The following CRB1 variants were observed in gnomAD, a reference collection of about 807,000 sequenced individuals.
CRB1 encodes crumbs cell polarity complex component 1.
In CRB1, 83 loss-of-function variants were observed where a neutral mutation model predicts 120.0. The ratio of observed to expected loss-of-function variants is 0.69; its 90% confidence interval spans 0.58 to 0.83. The LOEUF (loss-of-function observed/expected upper bound fraction) is 0.83, where lower values mean the gene tolerates loss of function less well. Ranked by LOEUF, CRB1 falls within the 40% of genes least tolerant of loss-of-function variation. The probability of loss-of-function intolerance (pLI) is 0.00; values close to 1 mark genes in which losing one functional copy is unlikely to be tolerated. For missense variants in CRB1, 1,699 were observed against 1,687.6 expected (o/e 1.01, Z -0.12); for synonymous variants, 625 against 612.5 (o/e 1.02, Z -0.30).
At chr1:197,301,449 A>G (rs1656858064) in intron 1 of CRB1, among the ~76,000 whole-genome samples, 1 of 152,138 alleles carries the variant, frequency 6.6e-6, no homozygotes, top group South Asian at 2.1e-4. Flanking sequence ...TACAGGTGTG[A>G]GTTACCACAC....
chr1:197,294,034 A>C (rs950274824), intron 1 of CRB1, among the ~76,000 whole-genome samples: 9 of 152,212 alleles, frequency 5.9e-5, no homozygotes, highest in African/African-American at 1.9e-4. Flanking sequence ...CACCAAAAGC[A>C]ATGGCAACAA....
At chr1:197,270,355 G>C (rs1038101768) in intron 1 of CRB1, among the ~76,000 whole-genome samples, 6 of 152,136 alleles carry the variant, frequency 3.9e-5, no homozygotes, top group African/African-American at 1.2e-4. Context: ...CTCAAACTTT[G>C]AGGCACCTCA....
chr1:197,434,702 T>G lies in CRB1; in HGVS notation c.2843-4T>G, dbSNP rs755851135. On this transcript the variant is annotated splice_polypyrimidine_tract_variant and splice_region_variant and intron_variant, in intron 8 of 11. Transcript: ENST00000367400. ...TATTGATTATTATCACCTTCTCTCA[T>G]TAGGTATTGCAAATGCTGTTTTTAA... 1 of 1,609,706 alleles carries G rather than the reference T, an allele frequency of 6.2e-7. No individual in the cohort carries two copies. Among genetic ancestry groups the G allele is most frequent in the East Asian group, 2.2e-5 (1 of 44,848 alleles).
intron 4 of CRB1, among the ~76,000 whole-genome samples, chr1:197,352,824 G>T (rs1660184133): frequency 6.6e-6 from 1 of 151,742 alleles, no homozygotes; most frequent in African/African-American, 2.4e-5. Flanking sequence ...TTTAACATAT[G>T]ATCTCATTTA....
chr1:197,223,801 G>A, the CRB1 span, among the ~76,000 whole-genome samples: 1 of 152,160 alleles, frequency 6.6e-6, no homozygotes, highest in African/African-American at 2.4e-5. Context: ...CTGATTGACA[G>A]AGGATGGCTG....
At chr1:197,219,191 A>G in the CRB1 span, among the ~76,000 whole-genome samples, 14 of 152,364 alleles carry the variant, frequency 9.2e-5, no homozygotes, top group Admixed American at 8.5e-4. Flanking sequence ...ACCTTGGATA[A>G]TGTTTTTAAA....
chr1:197,398,892 T>TTGTGTATG (rs1662913351), intron 5 of CRB1, among the ~76,000 whole-genome samples: 1 of 136,310 alleles, frequency 7.3e-6, no homozygotes, highest in Non-Finnish European at 1.6e-5. Flanking sequence ...CAGGAAATGA[T>TTGTGTATG]TGTGTGTGTG....
At chr1:197,322,068 A>G (rs542768266) in intron 1 of CRB1, among the ~76,000 whole-genome samples, 3 of 152,366 alleles carry the variant, frequency 2.0e-5, no homozygotes, top group East Asian at 1.9e-4. Context: ...CACAGTAGCC[A>G]TTAATCACAT....
At chr1:197,388,092 T>G (rs1310562778) in intron 5 of CRB1, among the ~76,000 whole-genome samples, 1 of 152,020 alleles carries the variant, frequency 6.6e-6, no homozygotes, top group Non-Finnish European at 1.5e-5. Flanking sequence ...TTCCTCCTTA[T>G]GGATTTGCTT....
rs1658700110 is a variant in CRB1, at chr1:197,329,002, T to G, written c.651T>G (p.Ser217=). Residue 217 remains serine, a splice_region_variant and synonymous_variant, in exon 2 of 12, where the codon TCT becomes TCG. Transcript: ENST00000367400. ...RYTCICPHNY[S]GVNCELEIDE... is the part of the protein sequence containing the mutation. ...CTTGTATCTGTCCCCACAATTATTC[T>G]GGTAAGTGTGATCATATCTGAATCA... The G allele has an allele frequency of 6.2e-7, 1 of 1,607,454 alleles. No homozygotes were observed.
intron 1 of CRB1, among the ~76,000 whole-genome samples, chr1:197,270,941 C>T (rs1466351522): frequency 1.3e-5 from 2 of 152,164 alleles, no homozygotes; most frequent in African/African-American, 4.8e-5. Flanking sequence ...TGGCTCAAGC[C>T]TGTAGTCCCA....
At chr1:197,449,923 T>C (rs1665880122) in intron 11 of CRB1, among the ~76,000 whole-genome samples, 2 of 152,186 alleles carry the variant, frequency 1.3e-5, no homozygotes, top group Admixed American at 6.5e-5. Context: ...ACTTTCTAGC[T>C]GCTGTGGTGA....
intron 1 of CRB1, among the ~76,000 whole-genome samples, chr1:197,296,149 C>T (rs1011154962): frequency 4.6e-5 from 7 of 152,074 alleles, no homozygotes; most frequent in Middle Eastern, 3.4e-3. Flanking sequence ...AAAATGGAGA[C>T]ACAAATAATG....
At chr1:197,214,299 A>G in the CRB1 span, among the ~76,000 whole-genome samples, 6 of 152,152 alleles carry the variant, frequency 3.9e-5, no homozygotes, top group African/African-American at 1.4e-4. Context: ...GTCTACTTAC[A>G]TGTGGATTTT....
At chr1:197,271,659 G>A (rs912339934) in intron 1 of CRB1, among the ~76,000 whole-genome samples, 5 of 152,132 alleles carry the variant, frequency 3.3e-5, no homozygotes, top group African/African-American at 4.8e-5. Flanking sequence ...ACTTATTAGA[G>A]TGAGACTCTC....
intron 1 of CRB1, among the ~76,000 whole-genome samples, chr1:197,292,387 T>A (rs111342686): frequency 0.076 from 11,489 of 152,070 alleles, 1,485 homozygotes; most frequent in African/African-American, 0.26. Context: ...AATAGACCAA[T>A]AACAGGCTCT....
intron 11 of CRB1, among the ~76,000 whole-genome samples, chr1:197,446,454 C>A (rs1300684300): frequency 6.6e-6 from 1 of 152,068 alleles, no homozygotes; most frequent in Non-Finnish European, 1.5e-5. Flanking sequence ...GGTGGCAGTG[C>A]TGAAAGATGG....
At chr1:197,341,728 C>A (rs911011599) in intron 2 of CRB1, among the ~76,000 whole-genome samples, 2 of 152,118 alleles carry the variant, frequency 1.3e-5, no homozygotes, top group East Asian at 1.9e-4. Flanking sequence ...CCCAATGCAC[C>A]TTTAATCCCA....
chr1:197,239,693 T>C, the CRB1 span, among the ~76,000 whole-genome samples: 26 of 148,500 alleles, frequency 1.8e-4, no homozygotes, highest in South Asian at 1.5e-3. Context: ...TAATTATTGA[T>C]ACGTTTGGGA....
Sources: gnomAD v4.1 joint callset for allele counts (sites outside exome capture counted in the v4.1 genomes callset) on GRCh38, gnomAD v4.1.1 for gene constraint, MANE v1.5 for transcripts, NCBI Gene and HGNC (gene_info 2026-07-23, HGNC 2026-07-21) for gene names.